The following ARHGAP6 variants were observed in gnomAD, a reference collection of about 807,000 sequenced individuals.
ARHGAP6 encodes rho GTPase-activating protein 6.
Under a neutral mutation model 55.7 loss-of-function variants are expected in ARHGAP6, and 16 were observed. The observed-to-expected ratio is 0.29, with a 90% CI of 0.19 to 0.44. ARHGAP6 has a LOEUF of 0.44. ARHGAP6 is among the 20% of genes least tolerant of loss of function. ARHGAP6 has a pLI of 1.00. For missense variants in ARHGAP6, 698 were observed against 808.9 expected (o/e 0.86, Z 1.66); for synonymous variants, 382 against 360.9 (o/e 1.06, Z -0.66).
rs1053071075 is a variant in ARHGAP6, at chrX:11,358,431, A to T, written c.589-103724T>A. 4.1e-3 allele frequency among the ~76,000 whole-genome samples: 299 copies of T among 72,500 alleles called. 2 individuals are homozygous for T. Among genetic ancestry groups the T allele is most frequent in the Non-Finnish European group, 6.8e-3 (267 of 39,077 alleles). 63.0% of individuals were successfully genotyped at this position (72,500 alleles called of 115,157 possible). Reference sequence around the variant, plus strand: ...TATGGTAGTTCTACGTTTTAACTGTATCTTTCTTTCTTTCTTTCTTTCTTT... The same window carrying T: ...TATGGTAGTTCTACGTTTTAACTGTTTCTTTCTTTCTTTCTTTCTTTCTTT... On this transcript the variant is annotated intron_variant, in intron 1 of 12. Coordinates refer to ENST00000337414, the MANE Select transcript of ARHGAP6 (RefSeq NM_013427.3).
intron 9 of ARHGAP6, among the ~76,000 whole-genome samples, chrX:11,161,344 G>T (rs1404124710): frequency 8.9e-6 from 1 of 111,993 alleles, no homozygotes; most frequent in African/African-American, 3.2e-5. Flanking sequence ...GGAAACAGCA[G>T]CTTGAAATAA....
intron 8 of ARHGAP6, among the ~76,000 whole-genome samples, chrX:11,171,874 T>G (rs1230359879): frequency 8.9e-6 from 1 of 111,789 alleles, no homozygotes; most frequent in Non-Finnish European, 1.9e-5. Flanking sequence ...ACAACCAGAA[T>G]TATCTCTAGA....
intron 1 of ARHGAP6, among the ~76,000 whole-genome samples, chrX:11,274,216 AATT>A (rs1421527228): frequency 2.0e-4 from 22 of 112,094 alleles, no homozygotes; most frequent in African/African-American, 6.8e-4. Context: ...TTTGTAACTT[AATT>A]ATTATAGGTA....
chrX:11,384,037 A>G (rs1422386608), intron 1 of ARHGAP6, among the ~76,000 whole-genome samples: 1 of 111,780 alleles, frequency 8.9e-6, no homozygotes, highest in Non-Finnish European at 1.9e-5. Flanking sequence ...ATTGATTTAT[A>G]GAAAAAAAGA....
At chrX:11,653,360 C>A (rs1255971876) in intron 1 of ARHGAP6, among the ~76,000 whole-genome samples, 1 of 111,895 alleles carries the variant, frequency 8.9e-6, no homozygotes, top group Non-Finnish European at 1.9e-5. Context: ...GCTGTCACTC[C>A]AATGCCTACC....
intron 1 of ARHGAP6, among the ~76,000 whole-genome samples, chrX:11,269,698 A>G (rs111690695): frequency 0.026 from 2,897 of 111,873 alleles, 39 homozygotes; most frequent in Middle Eastern, 0.078. Context: ...AAAATGTGGT[A>G]CCATCAGTTT....
At chrX:11,596,450 C>A (rs1477453238) in intron 1 of ARHGAP6, among the ~76,000 whole-genome samples, 1 of 111,019 alleles carries the variant, frequency 9.0e-6, no homozygotes, top group East Asian at 2.8e-4. Flanking sequence ...GGAGGGATAA[C>A]ATTAGGAGAA....
chrX:11,232,023 C>G (rs770208276), intron 2 of ARHGAP6, among the ~76,000 whole-genome samples: 4 of 111,874 alleles, frequency 3.6e-5, no homozygotes, highest in African/African-American at 9.7e-5. Flanking sequence ...TATTTTGATT[C>G]ATGAATATGT....
At chrX:11,450,905 C>A (rs763551328) in intron 1 of ARHGAP6, among the ~76,000 whole-genome samples, 3 of 111,409 alleles carry the variant, frequency 2.7e-5, no homozygotes, top group Non-Finnish European at 5.7e-5. Context: ...AAAATCCTCC[C>A]CCATTTCCCC....
chrX:11,494,682 A>T (rs1284653346), intron 1 of ARHGAP6, among the ~76,000 whole-genome samples: 3 of 111,756 alleles, frequency 2.7e-5, no homozygotes, highest in Non-Finnish European at 5.7e-5. Flanking sequence ...GCTTTGAGGA[A>T]CCTGAAAGGA....
chrX:11,228,846 C>T (rs769562273), intron 2 of ARHGAP6, among the ~76,000 whole-genome samples: 1 of 111,957 alleles, frequency 8.9e-6, no homozygotes, highest in Admixed American at 9.5e-5. Flanking sequence ...TACACTAAAC[C>T]ACATGACAGT....
At chrX:11,169,165 ACATGAATT>A in intron 9 of ARHGAP6, 1 of 153,844 alleles carries the variant, frequency 6.5e-6, no homozygotes, top group Non-Finnish European at 1.2e-5. Flanking sequence ...GCTTATGAAT[ACATGAATT>A]CATGAGGGAC....
At chrX:11,350,961 C>A (rs2048856595) in intron 1 of ARHGAP6, among the ~76,000 whole-genome samples, 1 of 110,427 alleles carries the variant, frequency 9.1e-6, no homozygotes, top group Non-Finnish European at 1.9e-5. Flanking sequence ...GTGAAAAAGA[C>A]TTCCCTTTAG....
intron 4 of ARHGAP6, among the ~76,000 whole-genome samples, chrX:11,186,736 T>G: frequency 8.9e-6 from 1 of 111,910 alleles, no homozygotes; most frequent in Non-Finnish European, 1.9e-5. Context: ...GCCCAACCAC[T>G]TCATTTCTTG....
At position 11,637,131 on chromosome X, in the gene ARHGAP6, A is replaced by G. The variant is rs1199489917; in HGVS notation, c.588+27110T>C. 3.6e-5 allele frequency among the ~76,000 whole-genome samples: 4 copies of G among 111,554 alleles called. No individual in the cohort carries two copies. In the Admixed American group the frequency reaches 3.8e-4, roughly 11 times the overall value. ...AACTTACGCAGAAAATCTTGACTGA[A>G]AGGAGAAAAATAATCTATTAACAAA... On this transcript the variant is annotated intron_variant, in intron 1 of 12. Transcript: ENST00000337414.
chrX:11,313,286 C>T (rs12157006), intron 1 of ARHGAP6, among the ~76,000 whole-genome samples: 2,243 of 112,185 alleles, frequency 0.02, 26 homozygotes, highest in Middle Eastern at 0.056. Context: ...AGATCATCAA[C>T]GGGCTTCCAT....
At position 11,186,306 on chromosome X, in the gene ARHGAP6, G is replaced by T; in HGVS notation, c.1203C>A (p.Leu401=). ...SKKEKARDKK[L]SLNPIYRQVP... is the part of the protein sequence containing the mutation. Reference sequence around the variant, plus strand: ...CCTGTCTGTAAATAGGATTCAGACTGAGTTTCTTATCTCTGGCTTTTTCCT... The same window carrying T: ...CCTGTCTGTAAATAGGATTCAGACTTAGTTTCTTATCTCTGGCTTTTTCCT... The change falls in exon 5 of 13, where the codon CTC becomes CTA. Residue 401 remains leucine (L), a synonymous_variant. Coordinates refer to ENST00000337414, the MANE Select transcript of ARHGAP6 (RefSeq NM_013427.3). The T allele has an allele frequency of 1.7e-6, 2 of 1,211,785 alleles. No homozygotes were observed. The highest frequency in any genetic ancestry group is 2.2e-6 in the Non-Finnish European group (2 of 895,448).
intron 4 of ARHGAP6, among the ~76,000 whole-genome samples, chrX:11,187,527 G>T (rs1208893300): frequency 8.9e-6 from 1 of 112,331 alleles, no homozygotes; most frequent in South Asian, 3.7e-4. Flanking sequence ...ATTCCATCAT[G>T]CAACTTCAGG....
At chrX:11,563,025 A>T (rs2051403410) in intron 1 of ARHGAP6, among the ~76,000 whole-genome samples, 1 of 111,784 alleles carries the variant, frequency 8.9e-6, no homozygotes, top group Non-Finnish European at 1.9e-5. Flanking sequence ...TTTGGGGAGA[A>T]AACCCACAAT....
Sources: allele counts gnomAD v4.1 joint callset (sites outside exome capture counted in the v4.1 genomes callset), GRCh38; gene constraint gnomAD v4.1.1; transcripts MANE v1.5; gene names NCBI Gene and HGNC (gene_info 2026-07-23, HGNC 2026-07-21).